The following TARS2 variants were observed in gnomAD, a reference collection of about 807,000 sequenced individuals.
The protein encoded by TARS2 is threonyl-tRNA synthetase 2, mitochondrial.
In TARS2, 61 loss-of-function variants were observed where a neutral mutation model predicts 94.4. That is an observed-to-expected ratio of 0.65 (90% CI 0.53 to 0.80). TARS2 has a LOEUF of 0.80. Among genes scored for constraint, TARS2 ranks in the 30% least tolerant of loss-of-function variants. The probability of loss-of-function intolerance (pLI) is 0.00; values close to 1 mark genes in which losing one functional copy is unlikely to be tolerated. For missense variants in TARS2, 704 were observed against 902.5 expected, an observed-to-expected ratio of 0.78 and a Z score of 2.82; for synonymous variants, 359 against 353.4, an observed-to-expected ratio of 1.02 and a Z score of -0.18.
At chr1:150,501,816 CAATAA>C (rs947524840) in intron 13 of TARS2, among the ~76,000 whole-genome samples, 1 of 151,674 alleles carries the variant, frequency 6.6e-6, no homozygotes, top group Non-Finnish European at 1.5e-5. Flanking sequence ...AACCCTGTCT[CAATAA>C]AATAAATAAA....
At position 150,493,798 on chromosome 1, in the gene TARS2, G is replaced by C. The variant is rs4970925; in HGVS notation, c.774+1309G>C. 9.8e-3 allele frequency among the ~76,000 whole-genome samples: 1,481 copies of C among 151,866 alleles called. 59 individuals carry two copies. The highest frequency in any genetic ancestry group is 0.067 in the Admixed American group (1,015 of 15,220). ...GAAAATACTGTTCTGGACAAGAAGA[G>C]TTACTAGATGGAATGGGATGAGTTA... On this transcript the variant is annotated intron_variant, in intron 7 of 17. Coordinates refer to ENST00000369064, the MANE Select transcript of TARS2 (RefSeq NM_025150.5).
At position 150,507,075 on chromosome 1, in the gene TARS2, ATAG is replaced by A. The variant is rs1670262194; in HGVS notation, c.*12_*14del. 1 of 1,613,644 alleles carries A rather than the reference ATAG, an allele frequency of 6.2e-7. No homozygotes were observed. The highest frequency in any genetic ancestry group is 1.3e-5 in the African/African-American group (1 of 74,908). On this transcript the variant is annotated 3_prime_UTR_variant, in exon 18 of 18. Coordinates refer to ENST00000369064, the MANE Select transcript of TARS2 (RefSeq NM_025150.5). ...GAAGAAATTTTCTGAGCCTTTGTACATAGATGAGGCAAAAACCTGCGAGTGCCA... is the reference window on the plus strand; with the variant it reads ...GAAGAAATTTTCTGAGCCTTTGTACAATGAGGCAAAAACCTGCGAGTGCCA...
chr1:150,491,962 T>TTG (rs1491471701), intron 6 of TARS2: 2 of 60,830 alleles, frequency 3.3e-5, no homozygotes, highest in Non-Finnish European at 6.3e-5. Flanking sequence ...GCCTGGCTAG[T>TTG]TTTTTTTTTT....
intron 3 of TARS2, chr1:150,489,401 A>G: frequency 2.7e-6 from 1 of 366,926 alleles, no homozygotes; most frequent in South Asian, 2.2e-5. Flanking sequence ...TGTAGTGTAT[A>G]TTCAATTCTA....
chr1:150,506,502 A>G (rs1036965017), intron 17 of TARS2, among the ~76,000 whole-genome samples: 1 of 146,632 alleles, frequency 6.8e-6, no homozygotes, highest in Non-Finnish European at 1.5e-5. Context: ...ACACACACAC[A>G]CACACACACA....
chr1:150,490,214 G>A lies in TARS2; in HGVS notation c.388-387G>A, dbSNP rs191140040. Among the ~76,000 whole-genome samples the A allele has an allele frequency of 1.4e-4, 20 of 140,788 alleles. 1 individual carries two copies. Among genetic ancestry groups the A allele is most frequent in the African/African-American group, 3.5e-4 (13 of 37,192 alleles). 92.4% of individuals were successfully genotyped at this position (140,788 alleles called of 152,430 possible). A position where few individuals can be genotyped will look rare whatever the true frequency, so the allele number is the denominator to read the frequency against. On this transcript the variant is annotated intron_variant, in intron 3 of 17. Coordinates refer to ENST00000369064, the MANE Select transcript of TARS2 (RefSeq NM_025150.5). Reference sequence around the variant, plus strand: ...GTTCACTGCAACTTCCACCTCCCGGGTTCAAGTGATTCTCCTGCCTCAGCC... The same window carrying A: ...GTTCACTGCAACTTCCACCTCCCGGATTCAAGTGATTCTCCTGCCTCAGCC...
At chr1:150,494,239 C>T (rs1034568327) in intron 7 of TARS2, among the ~76,000 whole-genome samples, 4 of 151,100 alleles carry the variant, frequency 2.6e-5, no homozygotes, top group Non-Finnish European at 4.4e-5. Flanking sequence ...TGCTGGCCTA[C>T]GCCTGTAATC....
At chr1:150,489,329 C>T (rs1022450110) in intron 3 of TARS2, 14 of 497,184 alleles carry the variant, frequency 2.8e-5, no homozygotes, top group African/African-American at 1.6e-4. Flanking sequence ...GTTGAAAAAA[C>T]GAAAGGATAA....
At chr1:150,506,538 A>G (rs1001014739) in intron 17 of TARS2, among the ~76,000 whole-genome samples, 2 of 131,310 alleles carry the variant, frequency 1.5e-5, no homozygotes, top group Non-Finnish European at 3.1e-5. Context: ...TGGGGTTCTC[A>G]TTGTTTGTCT....
At chr1:150,492,344 C>G (rs1310197590) in intron 6 of TARS2, 67 bp from the exon 7 acceptor site, 1 of 1,510,470 alleles carries the variant, frequency 6.6e-7, no homozygotes, top group Non-Finnish European at 9.2e-7. Context: ...AGCTAAAGAC[C>G]ATGAGAGGGA....
In TARS2 at chr1:150,507,295, C is replaced by T. The variant is rs1266298147; in HGVS notation, c.*231C>T. On this transcript the variant is annotated 3_prime_UTR_variant, in exon 18 of 18. Coordinates refer to ENST00000369064, the MANE Select transcript of TARS2 (RefSeq NM_025150.5). ...ACAAAAAAAAATAAATTGGGCCAGG[C>T]GCAGTGGCTCATGCCTGTAATCCCA... 1.0e-5 allele frequency: 5 copies of T among 497,152 alleles called. No homozygotes were observed. Among genetic ancestry groups the T allele is most frequent in the South Asian group, 2.6e-5 (1 of 38,152 alleles). The allele number at this position is 497,152 out of a possible 1,614,324, so 30.8% of individuals were successfully genotyped here. A position where few individuals can be genotyped will look rare whatever the true frequency, so the allele number is the denominator to read the frequency against.
At chr1:150,496,116 G>A (rs1039717854) in intron 7 of TARS2, among the ~76,000 whole-genome samples, 1 of 152,170 alleles carries the variant, frequency 6.6e-6, no homozygotes, top group South Asian at 2.1e-4. Flanking sequence ...TCTAGCAGCT[G>A]TATAGGATAT....
intron 10 of TARS2, 56 bp downstream of exon 10, chr1:150,497,803 A>C (rs1045351476): frequency 5.2e-6 from 8 of 1,542,410 alleles, no homozygotes; most frequent in Non-Finnish European, 6.1e-6. Flanking sequence ...AATAGAAAGC[A>C]CCTTGGGGCC....
At chr1:150,489,165 C>G in intron 3 of TARS2, 78 bp downstream of exon 3, 1 of 1,604,494 alleles carries the variant, frequency 6.2e-7, no homozygotes, top group Non-Finnish European at 8.5e-7. Flanking sequence ...ACATTTTATT[C>G]TTTTGCCGCA....
rs776700071 is a variant in TARS2, at chr1:150,506,997, C to T, written c.2090C>T (p.Pro697Leu). 6.2e-7 allele frequency: 1 copy of T among 1,614,118 alleles called. No individual in the cohort carries two copies. Among genetic ancestry groups the T allele is most frequent in the Non-Finnish European group, 8.5e-7 (1 of 1,180,034 alleles). ...CGTCGCCTTGGGGAGTGGGACTTGC[C>T]TGAGGCTGTGCAGCGACTGGTGGAG... is the stretch of plus-strand genomic sequence containing the variant. ...DNRRLGEWDL[P>L]EAVQRLVELQ... The change falls in exon 18 of 18, where the codon CCT (proline) becomes CTT (leucine). Residue 697 changes from proline (P) to leucine (L), a missense_variant. Coordinates refer to ENST00000369064, the MANE Select transcript of TARS2 (RefSeq NM_025150.5).
intron 3 of TARS2, 120 bp downstream of exon 3, chr1:150,489,207 A>C: frequency 7.1e-7 from 1 of 1,411,488 alleles, no homozygotes; most frequent in Non-Finnish European, 1.0e-6. Flanking sequence ...AGGGAGACCT[A>C]CCACAGACTG....
chr1:150,504,464 CCTTGACAGTG>C (rs1341245413), intron 14 of TARS2, 29 bp downstream of exon 14: 1 of 1,609,194 alleles, frequency 6.2e-7, no homozygotes, highest in Non-Finnish European at 8.5e-7. Flanking sequence ...TCCTCTTTTC[CCTTGACAGTG>C]CATGGAATAA....
chr1:150,495,882 G>T (rs1389460622), intron 7 of TARS2, among the ~76,000 whole-genome samples: 1 of 151,836 alleles, frequency 6.6e-6, no homozygotes, highest in Non-Finnish European at 1.5e-5. Context: ...ACCACACCCA[G>T]TTAATTTTTT....
rs756811374 is a variant in TARS2 at position 150,487,454 on chromosome 1, G to T, written c.4G>T (p.Ala2Ser). The T allele has an allele frequency of 5.6e-6, 9 of 1,614,110 alleles. No individual in the cohort carries two copies. The highest frequency in any genetic ancestry group is 1.3e-5 in the African/African-American group (1 of 74,942). Residue 2 changes from alanine (A) to serine (S), a missense_variant, in exon 1 of 18, where the codon GCC becomes TCC. Coordinates refer to ENST00000369064, the MANE Select transcript of TARS2 (RefSeq NM_025150.5). ...GTAGGCACTGGTGTGAAGGAACATG[G>T]CCCTGTATCAGAGGTGGCGGTGTCT... is the stretch of plus-strand genomic sequence containing the variant. M[A>S]LYQRWRCLRL... is the part of the protein sequence containing the mutation.
Sources: allele counts gnomAD v4.1 joint callset (sites outside exome capture counted in the v4.1 genomes callset), GRCh38; gene constraint gnomAD v4.1.1; transcripts MANE v1.5; gene names NCBI Gene and HGNC (gene_info 2026-07-23, HGNC 2026-07-21).